Variants in ROBO1 observed in about 807,000 individuals in gnomAD.
The protein encoded by ROBO1 is roundabout homolog 1.
Under a neutral mutation model 195.9 loss-of-function variants are expected in ROBO1, and 149 were observed. The ratio of observed to expected loss-of-function variants is 0.76; its 90% CI spans 0.67 to 0.87. ROBO1 has a LOEUF of 0.87. Among genes scored for constraint, ROBO1 ranks in the 40% least tolerant of loss-of-function variants. ROBO1 has a pLI of 0.00. For synonymous variants in ROBO1, 816 were observed against 733.2 expected (o/e 1.11, Z -1.82); for missense variants, 1,933 against 2,068.3 (o/e 0.93, Z 1.27).
intron 2 of ROBO1, among the ~76,000 whole-genome samples, chr3:79,299,699 G>A (rs1052046906): frequency 2.0e-5 from 3 of 151,992 alleles, no homozygotes; most frequent in Non-Finnish European, 4.4e-5. Flanking sequence ...TTTTTAAAGC[G>A]TGTGTTGATG....
chr3:78,723,014 C>T (rs2082079174), intron 5 of ROBO1, among the ~76,000 whole-genome samples: 1 of 151,964 alleles, frequency 6.6e-6, no homozygotes, highest in East Asian at 1.9e-4. Flanking sequence ...AAACAATATT[C>T]CTTTCTTAGG....
intron 10 of ROBO1, among the ~76,000 whole-genome samples, chr3:78,674,219 G>A (rs1161858193): frequency 6.6e-6 from 1 of 152,160 alleles, no homozygotes; most frequent in Non-Finnish European, 1.5e-5. Flanking sequence ...TAAGTCAAAT[G>A]CTATTAGGGA....
chr3:79,535,670 T>C (rs546163287), intron 2 of ROBO1, among the ~76,000 whole-genome samples: 2 of 152,128 alleles, frequency 1.3e-5, no homozygotes, highest in Non-Finnish European at 2.9e-5. Context: ...CTCAGAAATG[T>C]ATTTTTTTTA....
intron 1 of ROBO1, among the ~76,000 whole-genome samples, chr3:79,733,856 C>T (rs1219783817): frequency 1.3e-5 from 2 of 152,010 alleles, no homozygotes; most frequent in Non-Finnish European, 2.9e-5. Flanking sequence ...CTCACATATG[C>T]CAAATTCTTA....
At chr3:79,165,305 T>C (rs1230761006) in intron 2 of ROBO1, among the ~76,000 whole-genome samples, 3 of 152,210 alleles carry the variant, frequency 2.0e-5, no homozygotes, top group African/African-American at 2.4e-5. Context: ...ATATCAGGCA[T>C]AGATGTGGCA....
chr3:78,759,096 A>C (rs1470885730), intron 4 of ROBO1: 1 of 152,478 alleles, frequency 6.6e-6, no homozygotes, highest in Non-Finnish European at 1.5e-5. Context: ...GGTGGCGCCA[A>C]AGTCTGAAAC....
At chr3:78,886,910 T>C (rs1559964860) in intron 4 of ROBO1, among the ~76,000 whole-genome samples, 1 of 152,180 alleles carries the variant, frequency 6.6e-6, no homozygotes, top group East Asian at 1.9e-4. Context: ...GAGTTGCTGG[T>C]AATATCCTGC....
intron 2 of ROBO1, among the ~76,000 whole-genome samples, chr3:79,496,212 C>CAAAAAA (rs751339145): frequency 5.3e-5 from 3 of 56,260 alleles, no homozygotes; most frequent in Non-Finnish European, 7.1e-5. Flanking sequence ...GACTCTGTCT[C>CAAAAAA]AAAAAAAAAA....
chr3:79,286,465 C>T (rs1279102732), intron 2 of ROBO1, among the ~76,000 whole-genome samples: 1 of 152,090 alleles, frequency 6.6e-6, no homozygotes, highest in Non-Finnish European at 1.5e-5. Context: ...CCAATGTTCC[C>T]ACTATATTAA....
chr3:79,651,534 C>T (rs900107832), intron 1 of ROBO1, among the ~76,000 whole-genome samples: 1 of 152,024 alleles, frequency 6.6e-6, no homozygotes, highest in African/African-American at 2.4e-5. Context: ...AACTTGAAAA[C>T]CCTCTTCCCC....
At chr3:79,650,703 G>A (rs982623533) in intron 1 of ROBO1, among the ~76,000 whole-genome samples, 1 of 151,668 alleles carries the variant, frequency 6.6e-6, no homozygotes, top group Non-Finnish European at 1.5e-5. Flanking sequence ...AGAGCTCAAT[G>A]GATAAATGAA....
At chr3:79,230,357 T>C (rs2082297216) in intron 2 of ROBO1, among the ~76,000 whole-genome samples, 1 of 152,144 alleles carries the variant, frequency 6.6e-6, no homozygotes, top group Admixed American at 6.6e-5. Flanking sequence ...CCACAATTTC[T>C]GGTCTCACCT....
At chr3:79,505,550 T>C (rs929718002) in intron 2 of ROBO1, among the ~76,000 whole-genome samples, 1 of 152,174 alleles carries the variant, frequency 6.6e-6, no homozygotes. Context: ...AGGAGTCTAT[T>C]TTAGCATCTG....
chr3:79,107,127 TCACACACACACA>T (rs369021063), intron 3 of ROBO1, among the ~76,000 whole-genome samples: 31 of 136,454 alleles, frequency 2.3e-4, no homozygotes, highest in South Asian at 1.2e-3. Flanking sequence ...TCTCTCTCTC[TCACACACACACA>T]CACACACACA....
intron 4 of ROBO1, among the ~76,000 whole-genome samples, chr3:78,884,251 G>C (rs1020849091): frequency 6.6e-6 from 1 of 152,130 alleles, no homozygotes; most frequent in African/African-American, 2.4e-5. Context: ...ATTAGTTACA[G>C]AAGCAATGCA....
rs2107817975 is a variant in ROBO1, at chr3:79,589,870, G to T, written c.42C>A (p.Leu14=). Residue 14 remains leucine, a synonymous_variant, in exon 2 of 31, where the codon CTC becomes CTA. Coordinates refer to ENST00000464233, the MANE Select transcript of ROBO1 (RefSeq NM_002941.4). ...ACAGGTGATTTGGGGATAAGCTGAGGAGTGATATCATGACCAAAAAAGGAA... is the reference window on the plus strand; with the variant it reads ...ACAGGTGATTTGGGGATAAGCTGAGTAGTGATATCATGACCAAAAAAGGAA... ...KHVPFLVMIS[L]LSLSPNHLFL... is the part of the protein sequence containing the mutation. 1.2e-6 allele frequency: 2 copies of T among 1,611,164 alleles called. No homozygotes were observed. Among genetic ancestry groups the T allele is most frequent in the South Asian group, 1.1e-5 (1 of 90,954 alleles).
intron 2 of ROBO1, among the ~76,000 whole-genome samples, chr3:79,211,800 G>T (rs2081969806): frequency 6.6e-6 from 1 of 152,138 alleles, no homozygotes; most frequent in African/African-American, 2.4e-5. Context: ...CTTGGTAGGG[G>T]AGACCCTAAC....
chr3:79,222,665 T>A (rs1456907277), intron 2 of ROBO1, among the ~76,000 whole-genome samples: 1 of 151,990 alleles, frequency 6.6e-6, no homozygotes, highest in Admixed American at 6.6e-5. Context: ...TTGTTTATTA[T>A]CAACATAATC....
At chr3:78,952,419 A>T (rs1412160995) in intron 3 of ROBO1, among the ~76,000 whole-genome samples, 1 of 151,312 alleles carries the variant, frequency 6.6e-6, no homozygotes, top group Non-Finnish European at 1.5e-5. Context: ...TTCTTAAAAG[A>T]GCCTTGCTGC....
Sources: allele counts gnomAD v4.1 joint callset (sites outside exome capture counted in the v4.1 genomes callset), GRCh38; gene constraint gnomAD v4.1.1; transcripts MANE v1.5; gene names NCBI Gene and HGNC (gene_info 2026-07-23, HGNC 2026-07-21).